ZFP91: variants seen among roughly 807,000 people sequenced by gnomAD.
ZFP91 encodes the protein ZFP91 zinc finger protein, atypical E3 ubiquitin ligase.
Under a neutral mutation model 63.5 loss-of-function variants are expected in ZFP91, and 7 were observed. The ratio of observed to expected loss-of-function variants is 0.11; its 90% CI spans 0.06 to 0.21. ZFP91 has a LOEUF of 0.21. Among genes scored for constraint, ZFP91 ranks in the 10% least tolerant of loss-of-function variants. ZFP91 has a pLI of 1.00. For synonymous variants in ZFP91, 330 were observed against 272.1 expected (o/e 1.21, Z -2.10); for missense variants, 628 against 736.6 (o/e 0.85, Z 1.71).
chr11:58,593,070 C>G (rs2134398402), intron 2 of ZFP91, among the ~76,000 whole-genome samples: 1 of 152,294 alleles, frequency 6.6e-6, no homozygotes, highest in East Asian at 1.9e-4. Context: ...GGGATCCACC[C>G]CCATTACACA....
At chr11:58,594,741 G>A (rs1480295898) in intron 2 of ZFP91, among the ~76,000 whole-genome samples, 1 of 152,138 alleles carries the variant, frequency 6.6e-6, no homozygotes, top group East Asian at 1.9e-4. Flanking sequence ...TTAATACACA[G>A]TGTTGATTTA....
At chr11:58,591,624 A>G (rs987766565) in intron 2 of ZFP91, among the ~76,000 whole-genome samples, 5 of 152,196 alleles carry the variant, frequency 3.3e-5, no homozygotes, top group Admixed American at 6.5e-5. Flanking sequence ...CTAGGCAACC[A>G]TTAATCTACT....
At chr11:58,593,873 A>G (rs1855350728) in intron 2 of ZFP91, among the ~76,000 whole-genome samples, 1 of 152,088 alleles carries the variant, frequency 6.6e-6, no homozygotes, top group Admixed American at 6.5e-5. Flanking sequence ...ATCTCCCTCT[A>G]TCCCTGTTAA....
chr11:58,594,167 T>G (rs1294017926), intron 2 of ZFP91, among the ~76,000 whole-genome samples: 1 of 152,210 alleles, frequency 6.6e-6, no homozygotes, highest in Admixed American at 6.5e-5. Context: ...TGGAAGGACC[T>G]TGTTAGACTT....
rs1434575806 is a variant in ZFP91, at chr11:58,614,355, A to C, written c.1102+12A>C. On this transcript the variant is annotated intron_variant, in intron 9 of 10. Transcript: ENST00000316059. ...CAAACATCATACAGGTACTTTTAAAATGTGTTTATCAAGTAGGTAATTGCA... is the reference window on the plus strand; with the variant it reads ...CAAACATCATACAGGTACTTTTAAACTGTGTTTATCAAGTAGGTAATTGCA... 6.3e-7 allele frequency: 1 copy of C among 1,588,040 alleles called. No individual in the cohort carries two copies. The highest frequency in any genetic ancestry group is 1.3e-5 in the African/African-American group (1 of 74,148).
At chr11:58,605,752 T>C (rs1451708808) in intron 2 of ZFP91, among the ~76,000 whole-genome samples, 2 of 152,136 alleles carry the variant, frequency 1.3e-5, no homozygotes, top group African/African-American at 4.8e-5. Flanking sequence ...CTCTTTCATT[T>C]ATCCTACTAG....
chr11:58,608,772 CTT>C (rs1855609573), intron 2 of ZFP91, among the ~76,000 whole-genome samples: 1 of 151,854 alleles, frequency 6.6e-6, no homozygotes, highest in Non-Finnish European at 1.5e-5. Flanking sequence ...GCCTGGCTAC[CTT>C]TTGTATTTTT....
chr11:58,586,117 T>G (rs143026934), intron 2 of ZFP91, among the ~76,000 whole-genome samples: 1 of 152,328 alleles, frequency 6.6e-6, no homozygotes, highest in African/African-American at 2.4e-5. Flanking sequence ...CATTTCTTAT[T>G]CAGAGATCAA....
chr11:58,609,985 G>T lies in ZFP91; in HGVS notation c.526G>T (p.Gly176Cys). 6.2e-7 allele frequency: 1 copy of T among 1,614,150 alleles called. No homozygotes were observed. Among genetic ancestry groups the T allele is most frequent in the Non-Finnish European group, 8.5e-7 (1 of 1,180,028 alleles). ...CACCCGAAGCTCTCGGTCCAAGACCGGTTCATTGCAGCTCATTTGCAAGTC... is the reference window on the plus strand; with the variant it reads ...CACCCGAAGCTCTCGGTCCAAGACCTGTTCATTGCAGCTCATTTGCAAGTC... ...ENTRSSRSKTGSLQLICKSEP... is the reference protein window; with the variant it reads ...ENTRSSRSKTCSLQLICKSEP... The change falls in exon 3 of 11, where the codon GGT (glycine) becomes TGT (cysteine). Residue 176 changes from glycine to cysteine, a missense_variant. By Grantham distance (159) the Gly-to-Cys change is radical. Coordinates refer to ENST00000316059, the MANE Select transcript of ZFP91 (RefSeq NM_053023.5).
chr11:58,606,830 A>ATAATAGCTC (rs1373284179), intron 2 of ZFP91, among the ~76,000 whole-genome samples: 1 of 152,020 alleles, frequency 6.6e-6, no homozygotes, highest in African/African-American at 2.4e-5. Context: ...TGGCTTTTAT[A>ATAATAGCTC]ACCTTTAACT....
At chr11:58,581,622 A>G (rs11229536) in intron 1 of ZFP91, among the ~76,000 whole-genome samples, 2,335 of 152,314 alleles carry the variant, frequency 0.015, 61 homozygotes, top group African/African-American at 0.053. Flanking sequence ...CAGCCTCCCA[A>G]AGTGCTGGGA....
In ZFP91 at chr11:58,618,858, C is replaced by T; in HGVS notation, c.*1152C>T. The T allele has an allele frequency of 3.2e-6, 1 of 317,300 alleles. No individual in the cohort carries two copies. The highest frequency in any genetic ancestry group is 6.2e-6 in the Non-Finnish European group (1 of 162,090). 19.7% of individuals were successfully genotyped at this position (317,300 alleles called of 1,614,324 possible). On this transcript the variant is annotated 3_prime_UTR_variant, in exon 11 of 11. Coordinates refer to ENST00000316059, the MANE Select transcript of ZFP91 (RefSeq NM_053023.5). ...ACTAGTATGCTCTTTGAGATTTTTACAGTGTTGAAACTTAAGAATTTTGAG... is the reference window on the plus strand; with the variant it reads ...ACTAGTATGCTCTTTGAGATTTTTATAGTGTTGAAACTTAAGAATTTTGAG...
At chr11:58,612,400 TCATGATA>T in intron 7 of ZFP91, 72 bp downstream of exon 7, 1 of 1,485,436 alleles carries the variant, frequency 6.7e-7, no homozygotes, top group Non-Finnish European at 9.3e-7. Flanking sequence ...AATTTAGACT[TCATGATA>T]ATCCTGCAGG....
intron 1 of ZFP91, among the ~76,000 whole-genome samples, chr11:58,582,067 C>G (rs557713448): frequency 6.6e-6 from 1 of 152,156 alleles, no homozygotes; most frequent in African/African-American, 2.4e-5. Flanking sequence ...CAGAGGAATG[C>G]TAAAGCATTT....
In ZFP91 at chr11:58,620,992, A is replaced by G. The variant is rs1855841027; in HGVS notation, c.*3286A>G. On this transcript the variant is annotated 3_prime_UTR_variant, in exon 11 of 11. Transcript: ENST00000316059. Reference sequence around the variant, plus strand: ...TGTTTTCTCTTATTCTAGGTAAGGCATATTAAAAATAAATATGTAAAGAAG... The same window carrying G: ...TGTTTTCTCTTATTCTAGGTAAGGCGTATTAAAAATAAATATGTAAAGAAG... 6.6e-6 allele frequency: 1 copy of G among 152,650 alleles called. No individual in the cohort carries two copies. Among genetic ancestry groups the G allele is most frequent in the African/African-American group, 2.4e-5 (1 of 41,452 alleles). 9.5% of individuals were successfully genotyped at this position (152,650 alleles called of 1,614,324 possible). A position where few individuals can be genotyped will look rare whatever the true frequency, so the allele number is the denominator to read the frequency against.
intron 9 of ZFP91, 31 bp from the exon 10 acceptor site, chr11:58,616,685 T>C (rs773112123): frequency 1.3e-6 from 2 of 1,590,898 alleles, no homozygotes; most frequent in Non-Finnish European, 1.7e-6. Context: ...GGTATCTAAA[T>C]AGAACACTAA....
rs1005158461 is a variant in ZFP91 at position 58,605,536 on chromosome 11, G to A, written c.371-4294G>A. 2.6e-5 allele frequency among the ~76,000 whole-genome samples: 4 copies of A among 151,482 alleles called. No homozygotes were observed. In the East Asian group the frequency reaches 5.8e-4, roughly 22 times the overall value. On this transcript the variant is annotated intron_variant, in intron 2 of 10. Coordinates refer to ENST00000316059, the MANE Select transcript of ZFP91 (RefSeq NM_053023.5). ...ATCTTCGTTTTTAAAGAATAGTTTC[G>A]GCAGCTATAGAATTCTTGCTTGACG...
chr11:58,594,669 GA>G (rs1855367070), intron 2 of ZFP91, among the ~76,000 whole-genome samples: 1 of 151,936 alleles, frequency 6.6e-6, no homozygotes, highest in African/African-American at 2.4e-5. Flanking sequence ...AGTAAGCCAG[GA>G]AAAAACATAT....
chr11:58,612,902 C>T (rs1389723512), intron 8 of ZFP91, 62 bp downstream of exon 8: 6 of 1,420,260 alleles, frequency 4.2e-6, no homozygotes, highest in East Asian at 2.3e-5. Context: ...TCTTGCACCA[C>T]GAGACTTTAA....
Sources: gnomAD v4.1 joint callset for allele counts (sites outside exome capture counted in the v4.1 genomes callset) on GRCh38, gnomAD v4.1.1 for gene constraint, MANE v1.5 for transcripts, NCBI Gene and HGNC (gene_info 2026-07-23, HGNC 2026-07-21) for gene names.